The following CSMD1 variants were observed in gnomAD, a reference collection of about 807,000 sequenced individuals.
The protein encoded by CSMD1 is CUB and sushi domain-containing protein 1.
Under a neutral mutation model 417.5 loss-of-function variants are expected in CSMD1, and 213 were observed. That is an observed-to-expected ratio of 0.51 (90% CI 0.46 to 0.57). The LOEUF (loss-of-function observed/expected upper bound fraction) is 0.57. Ranked by LOEUF, CSMD1 falls within the 20% of genes least tolerant of loss-of-function variation. The pLI, the probability that CSMD1 is intolerant of heterozygous loss-of-function variation, is 0.00. For synonymous variants in CSMD1, 2,862 were observed against 1,736.8 expected (o/e 1.65, Z -16.11); for missense variants, 6,923 against 4,529.7 (o/e 1.53, Z -15.17).
chr8:3,804,127 T>G (rs1205025825), intron 5 of CSMD1, among the ~76,000 whole-genome samples: 2 of 152,054 alleles, frequency 1.3e-5, no homozygotes, highest in Non-Finnish European at 2.9e-5. Flanking sequence ...AGACAGGGTT[T>G]CACCATGTTG....
At chr8:3,729,432 A>T (rs1802693100) in intron 6 of CSMD1, among the ~76,000 whole-genome samples, 1 of 152,202 alleles carries the variant, frequency 6.6e-6, no homozygotes, top group Admixed American at 6.5e-5. Flanking sequence ...TAAAAGAGGG[A>T]TATAATATCC....
At chr8:4,456,975 G>GTTT (rs1563196115) in intron 2 of CSMD1, among the ~76,000 whole-genome samples, 14 of 50,360 alleles carry the variant, frequency 2.8e-4, no homozygotes, top group African/African-American at 7.3e-4. Context: ...TGATGAGTGT[G>GTTT]GTTTTTTTTT....
At chr8:4,888,459 A>G (rs1803894488) in intron 1 of CSMD1, among the ~76,000 whole-genome samples, 1 of 151,872 alleles carries the variant, frequency 6.6e-6, no homozygotes, top group Admixed American at 6.6e-5. Flanking sequence ...ATTGTTTTGC[A>G]CGTATAGGTG....
intron 2 of CSMD1, among the ~76,000 whole-genome samples, chr8:4,562,168 G>A (rs143298196): frequency 1.3e-5 from 2 of 152,192 alleles, no homozygotes; most frequent in Non-Finnish European, 2.9e-5. Flanking sequence ...ATACAAGGAA[G>A]CATGAGCAGT....
At chr8:3,947,280 G>T (rs1324228151) in intron 5 of CSMD1, among the ~76,000 whole-genome samples, 2 of 152,024 alleles carry the variant, frequency 1.3e-5, no homozygotes, top group South Asian at 4.1e-4. Flanking sequence ...ATTTATTGAC[G>T]TGATTATGTA....
At chr8:4,021,506 G>A (rs972107182) in intron 4 of CSMD1, among the ~76,000 whole-genome samples, 7 of 152,086 alleles carry the variant, frequency 4.6e-5, no homozygotes, top group African/African-American at 1.4e-4. Context: ...CCCCAGCATC[G>A]TCCTCAGTAG....
chr8:4,310,024 A>G (rs67623901), intron 3 of CSMD1, among the ~76,000 whole-genome samples: 96,014 of 151,782 alleles, frequency 0.63, 31,340 homozygotes, highest in East Asian at 0.86. Flanking sequence ...AAAGGTATGA[A>G]AAGCCTTAGA....
At chr8:4,198,632 T>A (rs1224737100) in intron 3 of CSMD1, among the ~76,000 whole-genome samples, 1 of 152,178 alleles carries the variant, frequency 6.6e-6, no homozygotes, top group African/African-American at 2.4e-5. Context: ...GATCGATGGA[T>A]AATGTCCCAT....
At chr8:4,383,074 C>G (rs545099581) in intron 3 of CSMD1, among the ~76,000 whole-genome samples, 1 of 152,200 alleles carries the variant, frequency 6.6e-6, no homozygotes, top group Non-Finnish European at 1.5e-5. Context: ...AATAGCTGCT[C>G]CATGATTAAG....
intron 1 of CSMD1, among the ~76,000 whole-genome samples, chr8:4,657,607 G>A (rs1260862800): frequency 6.6e-6 from 1 of 150,456 alleles, no homozygotes; most frequent in African/African-American, 2.4e-5. Context: ...TTCCCAAGAA[G>A]AATAAATAAA....
chr8:4,049,752 G>A (rs781302363), intron 3 of CSMD1, among the ~76,000 whole-genome samples: 3 of 152,096 alleles, frequency 2.0e-5, no homozygotes, highest in African/African-American at 4.8e-5. Flanking sequence ...AAATAGTAGA[G>A]AATCTCCATA....
intron 1 of CSMD1, among the ~76,000 whole-genome samples, chr8:4,678,165 C>G: frequency 6.6e-6 from 1 of 151,966 alleles, no homozygotes; most frequent in South Asian, 2.1e-4. Flanking sequence ...AATCCCAGTG[C>G]TTTAGGAGGC....
At chr8:4,819,170 T>C (rs1585153477) in intron 1 of CSMD1, among the ~76,000 whole-genome samples, 2 of 152,168 alleles carry the variant, frequency 1.3e-5, no homozygotes, top group Non-Finnish European at 2.9e-5. Context: ...CCTTCCACTC[T>C]CAAGGAACAC....
intron 3 of CSMD1, among the ~76,000 whole-genome samples, chr8:4,348,633 G>T (rs185254201): frequency 1.6e-5 from 2 of 122,268 alleles, no homozygotes; most frequent in Middle Eastern, 3.6e-3. Context: ...GGAGGGGAGA[G>T]GGGGAGAGGG....
At chr8:3,558,461 C>T (rs1211334297) in intron 10 of CSMD1, among the ~76,000 whole-genome samples, 1 of 149,802 alleles carries the variant, frequency 6.7e-6, no homozygotes, top group Non-Finnish European at 1.5e-5. Context: ...AATAGTGTCT[C>T]AATAGTACCC....
At chr8:3,233,296 G>A (rs1232915259) in intron 26 of CSMD1, among the ~76,000 whole-genome samples, 5 of 152,140 alleles carry the variant, frequency 3.3e-5, no homozygotes, top group Non-Finnish European at 7.3e-5. Flanking sequence ...GGGAATTGGT[G>A]ACTTTATAGG....
chr8:4,259,309 T>G (rs996672976), intron 3 of CSMD1, among the ~76,000 whole-genome samples: 1 of 152,170 alleles, frequency 6.6e-6, no homozygotes, highest in Admixed American at 6.5e-5. Flanking sequence ...GTCTTAAGAC[T>G]GTTTTCCTCC....
At chr8:3,441,756 G>C (rs1050568239) in intron 12 of CSMD1, among the ~76,000 whole-genome samples, 2 of 152,044 alleles carry the variant, frequency 1.3e-5, no homozygotes, top group East Asian at 1.9e-4. Context: ...GGTAACACTT[G>C]ATAATAATAA....
intron 52 of CSMD1, among the ~76,000 whole-genome samples, chr8:3,014,054 C>G (rs583172): frequency 0.015 from 2,267 of 152,142 alleles, 56 homozygotes; most frequent in African/African-American, 0.052. Context: ...TATTTTATTT[C>G]TACTCTGAGA....
Sources: allele counts gnomAD v4.1 joint callset (sites outside exome capture counted in the v4.1 genomes callset), GRCh38; gene constraint gnomAD v4.1.1; transcripts MANE v1.5; gene names NCBI Gene and HGNC (gene_info 2026-07-23, HGNC 2026-07-21).